The following UNC79 variants were observed in gnomAD, a reference collection of about 807,000 sequenced individuals.
The protein encoded by UNC79 is protein unc-79 homolog.
Under a neutral mutation model 283.1 loss-of-function variants are expected in UNC79, and 37 were observed. That is an observed-to-expected ratio of 0.13 (90% confidence interval 0.10 to 0.17). The LOEUF is 0.17. Ranked by LOEUF, UNC79 falls within the 10% of genes least tolerant of loss-of-function variation. The pLI is 1.00. For synonymous variants in UNC79, 1,107 were observed against 1,200.2 expected (o/e 0.92, Z 1.61); for missense variants, 2,272 against 3,211.1 (o/e 0.71, Z 7.07).
intron 25 of UNC79, among the ~76,000 whole-genome samples, chr14:93,602,031 A>G (rs1414279523): frequency 6.6e-6 from 1 of 152,002 alleles, no homozygotes; most frequent in Non-Finnish European, 1.5e-5. Flanking sequence ...GTTTGCAAAT[A>G]TTTTTCCCCA....
At chr14:93,682,647 G>A in exon 42 of UNC79, 1 of 1,613,966 alleles carries the variant, frequency 6.2e-7, no homozygotes, top group African/African-American at 1.3e-5. Context: ...AACCAAACTA[G>A]CTGAGTCAAC....
chr14:93,631,510 A>G (rs1422829690), intron 31 of UNC79, among the ~76,000 whole-genome samples: 1 of 152,222 alleles, frequency 6.6e-6, no homozygotes, highest in African/African-American at 2.4e-5. Context: ...CTGAAGTTCC[A>G]TAAGCATGTC....
In UNC79 at chr14:93,461,972, A is replaced by G. The variant is rs72691024; in HGVS notation, c.23-5699A>G. ...AGAAAGGTTTTCAAGCAAAAAAAAA[A>G]AAAGAAAGAAAAGAAACACAAAAAA... On this transcript the variant is annotated intron_variant, in intron 1 of 48. Transcript: ENST00000555664. Among the ~76,000 whole-genome samples the G allele has an allele frequency of 8.2e-5, 12 of 145,838 alleles. 1 individual carries two copies. The highest frequency in any genetic ancestry group is 2.1e-4 in the South Asian group (1 of 4,746).
intron 14 of UNC79, among the ~76,000 whole-genome samples, chr14:93,567,734 G>A (rs1215245062): frequency 6.6e-6 from 1 of 152,128 alleles, no homozygotes; most frequent in East Asian, 1.9e-4. Context: ...TGTGAACCCC[G>A]AATATCTGAG....
intron 13 of UNC79, among the ~76,000 whole-genome samples, chr14:93,541,878 G>A (rs369177111): frequency 3.3e-5 from 5 of 151,792 alleles, no homozygotes; most frequent in Non-Finnish European, 7.4e-5. Flanking sequence ...GGTGGCAAGC[G>A]CCTGTAGTCC....
chr14:93,495,456 C>A (rs2058974992), intron 5 of UNC79, among the ~76,000 whole-genome samples: 1 of 152,130 alleles, frequency 6.6e-6, no homozygotes, highest in Admixed American at 6.5e-5. Flanking sequence ...TTCCTAAAAC[C>A]TGGGGATTAC....
chr14:93,610,620 T>A (rs2066232899), intron 26 of UNC79, among the ~76,000 whole-genome samples: 1 of 151,990 alleles, frequency 6.6e-6, no homozygotes. Flanking sequence ...TCTTTCTTTT[T>A]TTTTTTTTGA....
At chr14:93,471,858 G>T (rs932323025) in intron 2 of UNC79, among the ~76,000 whole-genome samples, 1 of 151,720 alleles carries the variant, frequency 6.6e-6, no homozygotes, top group African/African-American at 2.4e-5. Flanking sequence ...TGTTGCTATC[G>T]TTTGGGAACC....
chr14:93,650,740 A>G (rs1032720258), intron 35 of UNC79, among the ~76,000 whole-genome samples: 1 of 152,122 alleles, frequency 6.6e-6, no homozygotes, highest in African/African-American at 2.4e-5. Context: ...GGGCATGCCT[A>G]TTTCTTTTCT....
At chr14:93,658,864 A>C (rs947767524) in intron 38 of UNC79, among the ~76,000 whole-genome samples, 10 of 152,094 alleles carry the variant, frequency 6.6e-5, no homozygotes, top group African/African-American at 2.2e-4. Flanking sequence ...TCATCCATCC[A>C]TCCATCCATC....
intron 7 of UNC79, 58 bp downstream of exon 7, chr14:93,497,344 C>A (rs1287449426): frequency 1.3e-6 from 2 of 1,563,752 alleles, no homozygotes; most frequent in Non-Finnish European, 1.7e-6. Flanking sequence ...CCACACTGGC[C>A]TCACCTACTT....
In UNC79 at chr14:93,688,360, G is replaced by C. The variant is rs965719315; in HGVS notation, c.6910-305G>C. 6.6e-6 allele frequency among the ~76,000 whole-genome samples: 1 copy of C among 152,180 alleles called. No individual in the cohort carries two copies. The highest frequency in any genetic ancestry group is 2.4e-5 in the African/African-American group (1 of 41,428). ...TAAAACCTGAACAATTAGGTGAAGAGAGGCAGGAATGGCATTCCAGACAAA... is the reference window on the plus strand; with the variant it reads ...TAAAACCTGAACAATTAGGTGAAGACAGGCAGGAATGGCATTCCAGACAAA... On this transcript the variant is annotated intron_variant, in intron 43 of 48. Coordinates refer to ENST00000555664, the Ensembl canonical transcript of UNC79. This position sits in a 1 kb window ranked among gnomAD's most constrained non-coding sequence, Gnocchi z 4.0.
chr14:93,519,793 T>C (rs2060237448), intron 7 of UNC79, among the ~76,000 whole-genome samples: 1 of 151,886 alleles, frequency 6.6e-6, no homozygotes, highest in African/African-American at 2.4e-5. Flanking sequence ...AGTTTACATA[T>C]AATGTAAGGC....
intron 1 of UNC79, among the ~76,000 whole-genome samples, chr14:93,431,331 T>C (rs1386139657): frequency 1.3e-5 from 2 of 150,640 alleles, no homozygotes; most frequent in African/African-American, 4.9e-5. Flanking sequence ...TAAAATGGGG[T>C]CATTCTCGGG....
chr14:93,382,707 G>C (rs1209282441), intron 1 of UNC79, among the ~76,000 whole-genome samples: 1 of 152,128 alleles, frequency 6.6e-6, no homozygotes, highest in Non-Finnish European at 1.5e-5. Context: ...ACTTGCCCAA[G>C]GTCCATATTT....
intron 40 of UNC79, among the ~76,000 whole-genome samples, chr14:93,668,845 T>C (rs1175245517): frequency 3.4e-5 from 5 of 146,122 alleles, no homozygotes; most frequent in Non-Finnish European, 4.5e-5. Flanking sequence ...CTCTGTGTCC[T>C]TCACAAAAAA....
intron 1 of UNC79, among the ~76,000 whole-genome samples, chr14:93,333,888 C>G (rs2053514398): frequency 6.6e-6 from 1 of 152,218 alleles, no homozygotes; most frequent in Admixed American, 6.5e-5. Flanking sequence ...CTCAGAAATA[C>G]TAACAAGTAG....
At position 93,654,004 on chromosome 14, in the gene UNC79, A is replaced by G. The variant is rs200023704; in HGVS notation, c.6261A>G (p.Ala2087=). 5 of 1,614,114 alleles carry G rather than the reference A, an allele frequency of 3.1e-6. No homozygotes were observed. In the African/African-American group the frequency reaches 5.3e-5, roughly 17 times the overall value. ...ACTTCAATGAGCTGAGCTCCATCGC[A>G]GCTCTCAGTCAGCTCCTAGAGGTGG... The change falls in exon 37 of 49, where the codon GCA becomes GCG. Residue 2087 remains alanine (A), a synonymous_variant. Transcript: ENST00000555664.
At chr14:93,523,696 G>A in intron 7 of UNC79, among the ~76,000 whole-genome samples, 1 of 152,126 alleles carries the variant, frequency 6.6e-6, no homozygotes, top group Admixed American at 6.5e-5. Context: ...AGGATCAAGT[G>A]AAACCATGGT....
Sources: gnomAD v4.1 joint callset for allele counts (sites outside exome capture counted in the v4.1 genomes callset) on GRCh38, gnomAD v4.1.1 for gene constraint, Gnocchi (gnomAD v3.1) non-coding constraint, MANE v1.5 for transcripts, NCBI Gene and HGNC (gene_info 2026-07-23, HGNC 2026-07-21) for gene names.